Variants in FGGY observed in about 807,000 individuals in gnomAD.
The protein encoded by FGGY is FGGY carbohydrate kinase domain-containing protein.
Under a neutral mutation model 71.3 loss-of-function variants are expected in FGGY, and 72 were observed. The ratio of observed to expected loss-of-function variants is 1.01; its 90% confidence interval spans 0.84 to 1.23. The LOEUF (loss-of-function observed/expected upper bound fraction) is 1.23. FGGY is among the 50% of genes most tolerant of loss of function. FGGY has a pLI of 0.00. For missense variants in FGGY, 668 were observed against 682.3 expected (o/e 0.98, Z 0.23); for synonymous variants, 251 against 250.3 (o/e 1.00, Z -0.02).
At chr1:59,496,369 C>T (rs2094031719) in intron 6 of FGGY, among the ~76,000 whole-genome samples, 1 of 152,142 alleles carries the variant, frequency 6.6e-6, no homozygotes, top group Admixed American at 6.5e-5. Context: ...AGATTTTGTC[C>T]TCTGCAGCAA....
intron 5 of FGGY, among the ~76,000 whole-genome samples, chr1:59,440,934 C>G (rs1185900075): frequency 6.6e-6 from 1 of 151,846 alleles, no homozygotes; most frequent in African/African-American, 2.4e-5. Context: ...AACGGACAAA[C>G]AAGGGAAAAC....
chr1:59,732,701 T>C (rs1174234831), intron 14 of FGGY, among the ~76,000 whole-genome samples: 2 of 152,064 alleles, frequency 1.3e-5, no homozygotes, highest in African/African-American at 2.4e-5. Context: ...GGAGCTTAGC[T>C]AGTTGGTTAG....
intron 5 of FGGY, among the ~76,000 whole-genome samples, chr1:59,422,087 A>G (rs1401703147): frequency 6.6e-6 from 1 of 152,230 alleles, no homozygotes; most frequent in Non-Finnish European, 1.5e-5. Flanking sequence ...TCAGAAAGTA[A>G]GTCATTGATG....
At chr1:59,558,198 C>A (rs1269510189) in intron 8 of FGGY, among the ~76,000 whole-genome samples, 1 of 152,120 alleles carries the variant, frequency 6.6e-6, no homozygotes, top group Non-Finnish European at 1.5e-5. Context: ...GTACCTGGCA[C>A]AAAATACCAA....
chr1:59,673,126 T>A (rs1021923151), intron 13 of FGGY, among the ~76,000 whole-genome samples: 1 of 152,260 alleles, frequency 6.6e-6, no homozygotes, highest in South Asian at 2.1e-4. Context: ...GTCCCTACCC[T>A]CAAGTAGCTT....
In FGGY at chr1:59,482,377, C is replaced by A. The variant is rs570378582; in HGVS notation, c.670+25301C>A. The stretch of plus-strand genomic sequence containing the variant: ...TAGCCTTCATGGTAGCAAACTGTAA[C>A]CTCAAGCACAATTATATGAATCATG... On this transcript the variant is annotated intron_variant, in intron 6 of 15. Coordinates refer to ENST00000303721, the MANE Select transcript of FGGY (RefSeq NM_018291.5). Among the ~76,000 whole-genome samples the A allele has an allele frequency of 4.4e-4, 67 of 152,150 alleles. 1 individual carries two copies. The highest frequency in any genetic ancestry group is 4.1e-4 in the South Asian group (2 of 4,822).
chr1:59,624,156 CTT>C (rs2096835593), intron 9 of FGGY, among the ~76,000 whole-genome samples: 1 of 151,534 alleles, frequency 6.6e-6, no homozygotes. Context: ...TGACCAATGT[CTT>C]TGATATCATT....
intron 4 of FGGY, among the ~76,000 whole-genome samples, chr1:59,368,492 G>A (rs954093778): frequency 9.8e-5 from 15 of 152,336 alleles, no homozygotes; most frequent in African/African-American, 3.6e-4. Flanking sequence ...GTTCCTTAAT[G>A]TGTGAGTATT....
At chr1:59,392,681 T>C (rs2060839438) in intron 5 of FGGY, among the ~76,000 whole-genome samples, 1 of 152,188 alleles carries the variant, frequency 6.6e-6, no homozygotes, top group South Asian at 2.1e-4. Flanking sequence ...CCTTTCCTCC[T>C]TTTTCTCCTT....
chr1:59,463,286 A>C (rs1365028223), intron 6 of FGGY, among the ~76,000 whole-genome samples: 1 of 152,196 alleles, frequency 6.6e-6, no homozygotes, highest in Non-Finnish European at 1.5e-5. Context: ...AGGAGAAATA[A>C]AATCCTTTAC....
Position 59,561,154 on chromosome 1 carries a change from G to A in FGGY, c.903+6927G>A, listed in dbSNP as rs77531235. Among the ~76,000 whole-genome samples, 126 of 152,318 alleles carry A rather than the reference G, an allele frequency of 8.3e-4. 2 individuals carry two copies. In the East Asian group the frequency reaches 0.018, roughly 22 times the overall value. On this transcript the variant is annotated intron_variant, in intron 8 of 15. Coordinates refer to ENST00000303721, the MANE Select transcript of FGGY (RefSeq NM_018291.5). Reference sequence around the variant, plus strand: ...TTCTCTGTCATGGTCTCTTTAACAAGTGACATTGGCAGAAGTTACCAGAGG... The same window carrying A: ...TTCTCTGTCATGGTCTCTTTAACAAATGACATTGGCAGAAGTTACCAGAGG...
At chr1:59,402,307 A>C (rs1291966759) in intron 5 of FGGY, among the ~76,000 whole-genome samples, 1 of 152,164 alleles carries the variant, frequency 6.6e-6, no homozygotes, top group Non-Finnish European at 1.5e-5. Flanking sequence ...CATGGTAAAA[A>C]GTGATATTAT....
chr1:59,647,205 C>A (rs541827795), intron 11 of FGGY, among the ~76,000 whole-genome samples: 1 of 152,124 alleles, frequency 6.6e-6, no homozygotes, highest in South Asian at 2.1e-4. Flanking sequence ...GTGTGCAGAC[C>A]CAAGACAGGG....
intron 8 of FGGY, among the ~76,000 whole-genome samples, chr1:59,595,594 G>T (rs1229445639): frequency 6.6e-6 from 1 of 152,146 alleles, no homozygotes; most frequent in Non-Finnish European, 1.5e-5. Flanking sequence ...AGAGACTGAG[G>T]CAGAAGAATC....
intron 14 of FGGY, chr1:59,699,443 A>G: frequency 1.0e-6 from 1 of 975,080 alleles, no homozygotes; most frequent in Non-Finnish European, 1.2e-6. Context: ...TAGGGGCTGT[A>G]GAGAACATTG....
chr1:59,420,873 G>T (rs920435827), intron 5 of FGGY, among the ~76,000 whole-genome samples: 20 of 151,342 alleles, frequency 1.3e-4, no homozygotes, highest in African/African-American at 4.6e-4. Context: ...CAAATGCCCG[G>T]CCACCAAGAA....
intron 7 of FGGY, among the ~76,000 whole-genome samples, chr1:59,545,087 T>G (rs2095501411): frequency 6.6e-6 from 1 of 152,214 alleles, no homozygotes; most frequent in Non-Finnish European, 1.5e-5. Flanking sequence ...CACTGGTCAT[T>G]CGCATAGTGT....
chr1:59,491,693 C>CTTTTTTTTTTTTTTTTT (rs5774472), intron 6 of FGGY, among the ~76,000 whole-genome samples: 1 of 145,594 alleles, frequency 6.9e-6, no homozygotes, highest in African/African-American at 2.5e-5. Flanking sequence ...TTTAGCTGTT[C>CTTTTTTTTTTTTTTTTT]TTTTTTTTTT....
chr1:59,478,439 C>T (rs1331791346), intron 6 of FGGY, among the ~76,000 whole-genome samples: 2 of 152,152 alleles, frequency 1.3e-5, no homozygotes, highest in Non-Finnish European at 2.9e-5. Flanking sequence ...ATCCCACTTA[C>T]CTCATTTTAT....
Sources: allele counts gnomAD v4.1 joint callset (sites outside exome capture counted in the v4.1 genomes callset), GRCh38; gene constraint gnomAD v4.1.1; transcripts MANE v1.5; gene names NCBI Gene and HGNC (gene_info 2026-07-23, HGNC 2026-07-21).